Variants in PTCHD4 observed in about 807,000 individuals in gnomAD.
The protein encoded by PTCHD4 is patched domain-containing protein 4.
A neutral mutation model predicts 58.1 loss-of-function variants in PTCHD4; 33 were observed. The ratio of observed to expected loss-of-function variants is 0.57; its 90% CI spans 0.43 to 0.76. The LOEUF (loss-of-function observed/expected upper bound fraction) is 0.76. Ranked by LOEUF, PTCHD4 falls within the 30% of genes least tolerant of loss-of-function variation. The pLI is 0.00. For missense variants in PTCHD4, 1,058 were observed against 1,027.1 expected (o/e 1.03, Z -0.41); for synonymous variants, 478 against 409.6 (o/e 1.17, Z -2.02).
rs199932991 is a variant in PTCHD4, at chr6:47,965,954, C to CA, written c.898+42679dup. On this transcript the variant is annotated intron_variant, in intron 4 of 4. Coordinates refer to ENST00000339488, the MANE Select transcript of PTCHD4 (RefSeq NM_001384253.1). ...CAAACAAACAAACAAAAAACAACAA[C>CA]AAAAAAAACCCTCTTGGTTCTAAGA... Among the ~76,000 whole-genome samples the CA allele has an allele frequency of 1.8e-4, 27 of 151,520 alleles. No homozygotes were observed. In the East Asian group the frequency reaches 4.1e-3, roughly 23 times the overall value.
At position 47,864,360 on chromosome 6, in the gene PTCHD4, T is replaced by C. The variant is rs1177953667; in HGVS notation, c.*13943A>G. On this transcript the variant is annotated 3_prime_UTR_variant, in exon 5 of 5. Transcript: ENST00000339488. Reference sequence around the variant, plus strand: ...TATATATGGCTATTTCACCTACTAGTTTGCTTTGCTAAAATCCTTGATGGG... The same window carrying C: ...TATATATGGCTATTTCACCTACTAGCTTGCTTTGCTAAAATCCTTGATGGG... 6.6e-6 allele frequency among the ~76,000 whole-genome samples: 1 copy of C among 151,828 alleles called. No individual in the cohort carries two copies. The highest frequency in any genetic ancestry group is 2.4e-5 in the African/African-American group (1 of 41,386).
At chr6:47,977,979 C>T (rs376077183) in intron 4 of PTCHD4, among the ~76,000 whole-genome samples, 387 of 152,252 alleles carry the variant, frequency 2.5e-3, no homozygotes, top group African/African-American at 8.8e-3. Context: ...CAGGAAGACT[C>T]AATCCTGTGA....
At chr6:48,021,612 ATT>A (rs139823059) in intron 3 of PTCHD4, among the ~76,000 whole-genome samples, 67 of 150,564 alleles carry the variant, frequency 4.4e-4, no homozygotes, top group Non-Finnish European at 8.4e-4. Flanking sequence ...AAGCTAGCTT[ATT>A]TTTTTTTTCT....
rs202182181 is a variant in PTCHD4 at position 48,008,951 on chromosome 6, T to C, written c.581A>G (p.Glu194Gly). Residue 194 changes from glutamate to glycine, a missense_variant, in exon 4 of 5, where the codon GAG becomes GGG. Coordinates refer to ENST00000339488, the MANE Select transcript of PTCHD4 (RefSeq NM_001384253.1). ...GAGCTTCCTTATAAGCTTACAGAAC[T>C]CATTCTCCCACTTCTCCCCTATGAG... ...QDLIGEKWEN[E>G]FCKLIRKLQE... The C allele has an allele frequency of 1.2e-5, 20 of 1,613,978 alleles. No homozygotes were observed. The highest frequency in any genetic ancestry group is 1.7e-5 in the Admixed American group (1 of 60,002).
chr6:48,085,593 C>G (rs1765248099), intron 1 of PTCHD4, among the ~76,000 whole-genome samples: 1 of 152,194 alleles, frequency 6.6e-6, no homozygotes, highest in South Asian at 2.1e-4. Flanking sequence ...ACTATTCTTG[C>G]CAGAAAGTTG....
intron 4 of PTCHD4, among the ~76,000 whole-genome samples, chr6:47,970,356 A>C (rs565667152): frequency 6.4e-4 from 97 of 152,312 alleles, no homozygotes; most frequent in Non-Finnish European, 1.1e-3. Context: ...GAGAGTGGTA[A>C]TTGACTAAGC....
At chr6:48,089,843 A>T (rs1231549266) in intron 1 of PTCHD4, among the ~76,000 whole-genome samples, 2 of 152,180 alleles carry the variant, frequency 1.3e-5, no homozygotes, top group African/African-American at 2.4e-5. Flanking sequence ...AGGGCTTGCC[A>T]TTTGTCCACA....
rs895314940 is a variant in PTCHD4 at position 47,877,371 on chromosome 6, A to G, written c.*932T>C. Among the ~76,000 whole-genome samples the G allele has an allele frequency of 2.0e-5, 3 of 152,090 alleles. No homozygotes were observed. Among genetic ancestry groups the G allele is most frequent in the African/African-American group, 7.2e-5 (3 of 41,438 alleles). ...CGCTCATTTGCAATTGGGTGAGCTC[A>G]CTGAAAGCAGCCATATCAGTCTTCC... On this transcript the variant is annotated 3_prime_UTR_variant, in exon 5 of 5. Coordinates refer to ENST00000339488, the MANE Select transcript of PTCHD4 (RefSeq NM_001384253.1).
chr6:47,879,659 T>C lies in PTCHD4; in HGVS notation c.1176A>G (p.Gln392=), dbSNP rs758411535. The C allele has an allele frequency of 6.2e-6, 10 of 1,613,508 alleles. No individual in the cohort carries two copies. The East Asian group carries it at 1.3e-4, about 22-fold the overall frequency. ...FFGSCLVFAG[Q]LEQNRYHSIF... is the part of the protein sequence containing the mutation. ...TGCTGTGGTAGCGGTTTTGCTCTAG[T>C]TGGCCAGCAAAGACCAGACAGGAGC... is the stretch of plus-strand genomic sequence containing the variant. Residue 392 remains glutamine (Q), a synonymous_variant, in exon 5 of 5, where the codon CAA becomes CAG. Coordinates refer to ENST00000339488, the MANE Select transcript of PTCHD4 (RefSeq NM_001384253.1).
At chr6:48,020,965 T>C (rs1250102967) in intron 3 of PTCHD4, among the ~76,000 whole-genome samples, 7 of 152,050 alleles carry the variant, frequency 4.6e-5, no homozygotes, top group Admixed American at 6.6e-5. Context: ...ACTTAGGCAA[T>C]GGGAGAGGAA....
intron 4 of PTCHD4, among the ~76,000 whole-genome samples, chr6:47,934,794 T>A (rs1037560208): frequency 1.3e-5 from 2 of 152,222 alleles, no homozygotes; most frequent in African/African-American, 4.8e-5. Context: ...TGGTGAGAAA[T>A]ATTTGTGAAA....
At chr6:48,028,741 C>T (rs979110182) in intron 3 of PTCHD4, among the ~76,000 whole-genome samples, 26 of 151,854 alleles carry the variant, frequency 1.7e-4, no homozygotes, top group African/African-American at 6.0e-4. Flanking sequence ...TTAAGATAAC[C>T]CAAATATTGT....
chr6:47,908,793 C>G (rs1764979482), intron 4 of PTCHD4, among the ~76,000 whole-genome samples: 1 of 152,110 alleles, frequency 6.6e-6, no homozygotes, highest in Non-Finnish European at 1.5e-5. Flanking sequence ...CTGCCTAGGA[C>G]CCATATCTTT....
intron 4 of PTCHD4, among the ~76,000 whole-genome samples, chr6:47,981,801 A>T (rs968990173): frequency 2.0e-5 from 3 of 152,260 alleles, no homozygotes; most frequent in African/African-American, 7.2e-5. Context: ...GAGGACACAA[A>T]TGGTTTGTGG....
intron 4 of PTCHD4, among the ~76,000 whole-genome samples, chr6:47,881,125 A>C (rs2114101800): frequency 6.6e-6 from 1 of 152,306 alleles, no homozygotes; most frequent in Non-Finnish European, 1.5e-5. Flanking sequence ...AAAGGCACAA[A>C]ATCAACTAGT....
intron 3 of PTCHD4, among the ~76,000 whole-genome samples, chr6:48,058,914 C>G (rs539355380): frequency 1.3e-5 from 2 of 152,040 alleles, no homozygotes; most frequent in Non-Finnish European, 2.9e-5. Flanking sequence ...TGAGGACTAC[C>G]AAAAATAGGA....
Position 47,906,425 on chromosome 6 carries a change from T to C in PTCHD4, c.899-26489A>G, listed in dbSNP as rs537433009. 5.9e-5 allele frequency among the ~76,000 whole-genome samples: 9 copies of C among 152,264 alleles called. No homozygotes were observed. In the South Asian group the frequency reaches 1.9e-3, roughly 32 times the overall value. Reference sequence around the variant, plus strand: ...TCAGTCTCACTCAGCATGAGACATATTGCAAACTTTACTCGCATTCAAGAG... The same window carrying C: ...TCAGTCTCACTCAGCATGAGACATACTGCAAACTTTACTCGCATTCAAGAG... On this transcript the variant is annotated intron_variant, in intron 4 of 4. Transcript: ENST00000339488.
At position 47,876,648 on chromosome 6, in the gene PTCHD4, A is replaced by G. The variant is rs184183792; in HGVS notation, c.*1655T>C. ...CATAGAACCAAAGTTGATGGGAAGT[A>G]GTAGCTTTCTTCTAGGTAAAAGAGC... On this transcript the variant is annotated 3_prime_UTR_variant, in exon 5 of 5. Coordinates refer to ENST00000339488, the MANE Select transcript of PTCHD4 (RefSeq NM_001384253.1). Among the ~76,000 whole-genome samples the G allele has an allele frequency of 2.7e-4, 41 of 152,130 alleles. No homozygotes were observed. The highest frequency in any genetic ancestry group is 9.9e-4 in the African/African-American group (41 of 41,548).
intron 3 of PTCHD4, among the ~76,000 whole-genome samples, chr6:48,054,940 C>A (rs1441795784): frequency 6.6e-6 from 1 of 152,108 alleles, no homozygotes; most frequent in Admixed American, 6.5e-5. Flanking sequence ...TTTTGAAAAT[C>A]TGCAGGGTGT....
Sources: gnomAD v4.1 joint callset for allele counts (sites outside exome capture counted in the v4.1 genomes callset) on GRCh38, gnomAD v4.1.1 for gene constraint, MANE v1.5 for transcripts, NCBI Gene and HGNC (gene_info 2026-07-23, HGNC 2026-07-21) for gene names.